Variants in PRELID3A observed in about 807,000 individuals in gnomAD.
PRELID3A encodes the protein PRELI domain containing 3A, also known as PRELI domain containing protein 3A.
A neutral mutation model predicts 23.0 loss-of-function variants in PRELID3A; 27 were observed. That is an observed-to-expected ratio of 1.17 (90% CI 0.87 to 1.62). PRELID3A has a LOEUF of 1.62. Ranked by LOEUF, PRELID3A falls within the 40% of genes most tolerant of loss-of-function variation. PRELID3A has a pLI of 0.00. For synonymous variants in PRELID3A, 87 were observed against 86.4 expected, an observed-to-expected ratio of 1.01 and a Z score of -0.04; for missense variants, 231 against 231.4, an observed-to-expected ratio of 1.00 and a Z score of 0.01.
chr18:12,416,647 C>CTTTTTT (rs33927481), intron 1 of PRELID3A, among the ~76,000 whole-genome samples: 18 of 133,160 alleles, frequency 1.4e-4, no homozygotes, highest in African/African-American at 5.1e-4. Context: ...TTCTTTCTTT[C>CTTTTTT]TTTTTTTTTT....
chr18:12,421,116 G>A (rs1376616569), intron 2 of PRELID3A, among the ~76,000 whole-genome samples: 4 of 152,134 alleles, frequency 2.6e-5, no homozygotes, highest in African/African-American at 9.7e-5. Context: ...TCCACCTGCA[G>A]TCCACACCCT....
At chr18:12,411,611 T>C (rs939031321) in intron 1 of PRELID3A, among the ~76,000 whole-genome samples, 3 of 152,214 alleles carry the variant, frequency 2.0e-5, no homozygotes, top group Non-Finnish European at 4.4e-5. Flanking sequence ...ACACCTTTGA[T>C]TCTGACAGCT....
chr18:12,425,559 A>G (rs577917838), intron 3 of PRELID3A, among the ~76,000 whole-genome samples: 117 of 151,500 alleles, frequency 7.7e-4, no homozygotes, highest in African/African-American at 2.7e-3. Context: ...GTGAACCCAG[A>G]AGGCGGAGCT....
chr18:12,426,563 A>AAAG (rs1555677300), intron 3 of PRELID3A, among the ~76,000 whole-genome samples: 1 of 87,720 alleles, frequency 1.1e-5, no homozygotes, highest in Non-Finnish European at 2.1e-5. Flanking sequence ...CAAAAAAAAA[A>AAAG]AAAGTATAAA....
chr18:12,430,258 C>T (rs572129773), intron 6 of PRELID3A, among the ~76,000 whole-genome samples: 1 of 152,128 alleles, frequency 6.6e-6, no homozygotes, highest in Non-Finnish European at 1.5e-5. Context: ...TGCCTGGCAT[C>T]CTGTATCTGT....
intron 1 of PRELID3A, chr18:12,420,114 A>G (rs1184594883): frequency 2.0e-5 from 28 of 1,419,058 alleles, no homozygotes; most frequent in Non-Finnish European, 2.5e-5. Flanking sequence ...CAGACAAACA[A>G]AAACCAAGGG....
chr18:12,416,499 G>A (rs1440845590), intron 1 of PRELID3A, among the ~76,000 whole-genome samples: 2 of 152,120 alleles, frequency 1.3e-5, no homozygotes, highest in Non-Finnish European at 2.9e-5. Context: ...TGTTTTTGTA[G>A]AGATGAGGGG....
intron 1 of PRELID3A, among the ~76,000 whole-genome samples, chr18:12,415,374 C>T (rs2029915055): frequency 6.6e-6 from 1 of 152,078 alleles, no homozygotes; most frequent in Non-Finnish European, 1.5e-5. Flanking sequence ...ATTCTCCTGC[C>T]TCAGGCTCCT....
chr18:12,411,803 C>T (rs1036063707), intron 1 of PRELID3A, among the ~76,000 whole-genome samples: 2 of 152,216 alleles, frequency 1.3e-5, no homozygotes, highest in African/African-American at 2.4e-5. Flanking sequence ...TCCCTGCAGG[C>T]AGCCGTGAGG....
At position 12,409,329 on chromosome 18, in the gene PRELID3A, G is replaced by A. The variant is rs1359259681; in HGVS notation, c.32+1322G>A. 2.6e-5 allele frequency among the ~76,000 whole-genome samples: 4 copies of A among 151,900 alleles called. No individual in the cohort carries two copies. The East Asian group carries it at 7.7e-4, about 29-fold the overall frequency. Reference sequence around the variant, plus strand: ...CTACAGGTGTGGGCCATCACGCCCGGCTAATTTTTGTATTTTTAGTAGAAA... The same window carrying A: ...CTACAGGTGTGGGCCATCACGCCCGACTAATTTTTGTATTTTTAGTAGAAA... On this transcript the variant is annotated intron_variant, in intron 1 of 6. Transcript: ENST00000440960.
In PRELID3A at chr18:12,420,319, C is replaced by T. The variant is rs751026691; in HGVS notation, c.33-6C>T. Reference sequence around the variant, plus strand: ...TTGCTCACCGCCGCCTATGCTCTCCCCGCAGCCACCCGTGGGACACGGTCA... The same window carrying T: ...TTGCTCACCGCCGCCTATGCTCTCCTCGCAGCCACCCGTGGGACACGGTCA... On this transcript the variant is annotated splice_region_variant and splice_polypyrimidine_tract_variant and intron_variant, in intron 1 of 6. Coordinates refer to ENST00000440960, the MANE Select transcript of PRELID3A (RefSeq NM_001142405.2). The T allele has an allele frequency of 9.4e-6, 15 of 1,602,440 alleles. No homozygotes were observed. Among genetic ancestry groups the T allele is most frequent in the Non-Finnish European group, 1.1e-5 (13 of 1,175,414 alleles).
chr18:12,427,525 C>T (rs1281005837), intron 5 of PRELID3A, among the ~76,000 whole-genome samples: 2 of 151,698 alleles, frequency 1.3e-5, no homozygotes, highest in East Asian at 3.9e-4. Context: ...GCTGAAACCC[C>T]ATCTACTAAA....
chr18:12,419,648 T>A (rs1294422487), intron 1 of PRELID3A, among the ~76,000 whole-genome samples: 4 of 131,412 alleles, frequency 3.0e-5, no homozygotes, highest in African/African-American at 5.8e-5. Flanking sequence ...TTAATTAATT[T>A]AAAAAGTTAG....
At chr18:12,420,781 GATC>G in intron 2 of PRELID3A, among the ~76,000 whole-genome samples, 1 of 105,386 alleles carries the variant, frequency 9.5e-6, no homozygotes, top group Non-Finnish European at 2.0e-5. Context: ...TCTTCCTCGA[GATC>G]GGGGGTCACG....
chr18:12,410,591 G>A (rs982657654), intron 1 of PRELID3A: 1 of 152,062 alleles, frequency 6.6e-6, no homozygotes, highest in Non-Finnish European at 1.5e-5. Context: ...TGAAACCCCT[G>A]ATTTTTTTCC....
intron 6 of PRELID3A, among the ~76,000 whole-genome samples, chr18:12,430,229 T>G (rs2030524779): frequency 6.6e-6 from 1 of 152,320 alleles, no homozygotes; most frequent in East Asian, 1.9e-4. Flanking sequence ...CTGAGTTCAG[T>G]GCCTGTAAGG....
At position 12,408,001 on chromosome 18, in the gene PRELID3A, T is replaced by C; in HGVS notation, c.26T>C (p.Val9Ala). MKIWSSEH[V>A]FGHPWDTVIQ... Reference sequence around the variant, plus strand: ...ATGAAGATCTGGAGCTCGGAGCACGTGTTTGGGTGAGGCCGGGCTGAGGGC... The same window carrying C: ...ATGAAGATCTGGAGCTCGGAGCACGCGTTTGGGTGAGGCCGGGCTGAGGGC... The change falls in exon 1 of 7, where the codon GTG becomes GCG. Residue 9 changes from valine (V) to alanine (A), a missense_variant. Val to Ala is a moderately conservative substitution (Grantham distance 64). Coordinates refer to ENST00000440960, the MANE Select transcript of PRELID3A (RefSeq NM_001142405.2). 7.8e-7 allele frequency: 1 copy of C among 1,287,406 alleles called. No homozygotes were observed. The highest frequency in any genetic ancestry group is 9.8e-7 in the Non-Finnish European group (1 of 1,018,118). 79.7% of individuals were successfully genotyped at this position (1,287,406 alleles called of 1,614,324 possible). A position where few individuals can be genotyped will look rare whatever the true frequency, so the allele number is the denominator to read the frequency against.
chr18:12,409,173 T>TTTG (rs1555675958), intron 1 of PRELID3A, among the ~76,000 whole-genome samples: 1 of 139,868 alleles, frequency 7.1e-6, no homozygotes, highest in Non-Finnish European at 1.5e-5. Context: ...TTTTTTTTTT[T>TTTG]TTTTTTTTTT....
chr18:12,420,569 C>G, intron 2 of PRELID3A, 76 bp downstream of exon 2: 1 of 1,397,086 alleles, frequency 7.2e-7, no homozygotes, highest in Non-Finnish European at 9.4e-7. Context: ...CCGCGTCCCT[C>G]CTCCCCTCAT....
Sources: allele counts gnomAD v4.1 joint callset (sites outside exome capture counted in the v4.1 genomes callset), GRCh38; gene constraint gnomAD v4.1.1; transcripts MANE v1.5; gene names NCBI Gene and HGNC (gene_info 2026-07-23, HGNC 2026-07-21).